The following GPR141 variants were observed in gnomAD, a reference collection of about 807,000 sequenced individuals.
The protein encoded by GPR141 is G protein-coupled receptor 141.
Under a neutral mutation model 6.8 loss-of-function variants are expected in GPR141, and 6 were observed. The observed-to-expected ratio is 0.88, with a 90% CI of 0.48 to 1.74. GPR141 has a LOEUF of 1.74. Ranked by LOEUF, GPR141 falls within the 40% of genes most tolerant of loss-of-function variation. The pLI, the probability that GPR141 is intolerant of heterozygous loss-of-function variation, is 0.01. For missense variants in GPR141, 372 were observed against 372.9 expected (o/e 1.00, Z 0.02); for synonymous variants, 140 against 142.3 (o/e 0.98, Z 0.11).
intron 2 of GPR141, among the ~76,000 whole-genome samples, chr7:37,719,418 A>C (rs1811207692): frequency 6.6e-6 from 1 of 152,190 alleles, no homozygotes; most frequent in African/African-American, 2.4e-5. Flanking sequence ...GGATATCTGC[A>C]TCTCTTCTTC....
chr7:37,740,469 A>G lies in GPR141; in HGVS notation c.76A>G (p.Ile26Val), dbSNP rs144599078. The change falls in exon 3 of 3, where the codon ATA (isoleucine) becomes GTA (valine). Residue 26 changes from isoleucine to valine, a missense_variant. Transcript: ENST00000334425. ...VTPHLISLYF[I>V]VLIGGLVGVI... ...ACCCCACTTAATCAGCCTCTACTTC[A>G]TAGTGCTTATTGGCGGGCTGGTGGG... The G allele has an allele frequency of 6.2e-7, 1 of 1,613,986 alleles. No homozygotes were observed. Among genetic ancestry groups the G allele is most frequent in the Non-Finnish European group, 8.5e-7 (1 of 1,179,944 alleles).
At chr7:37,687,703 C>T (rs1376020804) in intron 2 of GPR141, among the ~76,000 whole-genome samples, 1 of 152,100 alleles carries the variant, frequency 6.6e-6, no homozygotes, top group Non-Finnish European at 1.5e-5. Flanking sequence ...ATTTCTGAGA[C>T]TCCCTGGGCA....
At position 37,727,566 on chromosome 7, in the gene GPR141, G is replaced by A. The variant is rs544885205; in HGVS notation, c.-14-12814G>A. ...GTTAGTTCTTTTGTCTGGGAAATTT[G>A]GTATCCATCTAATGTGTCATTAGCT... On this transcript the variant is annotated intron_variant, in intron 2 of 2. Transcript: ENST00000334425. 2.0e-5 allele frequency among the ~76,000 whole-genome samples: 3 copies of A among 152,244 alleles called. No individual in the cohort carries two copies. In the South Asian group the frequency reaches 6.2e-4, roughly 32 times the overall value.
chr7:37,719,707 C>A lies in GPR141; in HGVS notation c.-14-20673C>A, dbSNP rs377047766. 4.6e-5 allele frequency among the ~76,000 whole-genome samples: 7 copies of A among 152,208 alleles called. 1 individual carries two copies. In the East Asian group the frequency reaches 9.6e-4, roughly 21 times the overall value. On this transcript the variant is annotated intron_variant, in intron 2 of 2. Transcript: ENST00000334425. The stretch of plus-strand genomic sequence containing the variant: ...GTTCATAGGCAGCTGAGCAGAAAAC[C>A]AGAAAAAGGGGGCTGAGAATTAGGT...
intron 2 of GPR141, among the ~76,000 whole-genome samples, chr7:37,739,114 A>G (rs1812404339): frequency 6.6e-6 from 1 of 152,184 alleles, no homozygotes; most frequent in African/African-American, 2.4e-5. Context: ...TTGAGAATAC[A>G]TGATTTAGTG....
intron 2 of GPR141, among the ~76,000 whole-genome samples, chr7:37,694,295 G>A (rs1809919195): frequency 6.6e-6 from 1 of 152,220 alleles, no homozygotes; most frequent in African/African-American, 2.4e-5. Context: ...CTCTGCCGGG[G>A]CACTGTTTAC....
At position 37,740,987 on chromosome 7, in the gene GPR141, C is replaced by G; in HGVS notation, c.594C>G (p.Val198=). ...TAGCCGTTGCTGTGATTCTGTTGGT[C>G]TTCCAGGTCTTCATCATTATGTTGA... is the stretch of plus-strand genomic sequence containing the variant. ...FVIAVAVILL[V]FQVFIIMLMV... The change falls in exon 3 of 3, where the codon GTC becomes GTG. Residue 198 remains valine, a synonymous_variant. Transcript: ENST00000334425. 6.2e-7 allele frequency: 1 copy of G among 1,613,926 alleles called. No homozygotes were observed. The highest frequency in any genetic ancestry group is 8.5e-7 in the Non-Finnish European group (1 of 1,179,858).
chr7:37,729,252 G>T (rs552277727), intron 2 of GPR141, among the ~76,000 whole-genome samples: 11 of 152,302 alleles, frequency 7.2e-5, no homozygotes, highest in African/African-American at 2.4e-4. Flanking sequence ...GAAAATCAGA[G>T]TTTGAGGCCA....
chr7:37,697,606 T>C (rs1382126653), intron 2 of GPR141, among the ~76,000 whole-genome samples: 1 of 152,090 alleles, frequency 6.6e-6, no homozygotes, highest in Non-Finnish European at 1.5e-5. Context: ...GGGAGATCAG[T>C]GAAGGTGGCG....
At chr7:37,732,486 T>A (rs542924496) in intron 2 of GPR141, among the ~76,000 whole-genome samples, 9 of 152,166 alleles carry the variant, frequency 5.9e-5, no homozygotes, top group African/African-American at 1.7e-4. Context: ...CATCTGAAAG[T>A]CTTGTGCAAT....
rs1562797920 is a variant in GPR141, at chr7:37,741,917, A to G, written c.*606A>G. On this transcript the variant is annotated 3_prime_UTR_variant, in exon 3 of 3. Transcript: ENST00000334425. ...GAACGTGTGGCCTCCTGTTATAACA[A>G]GGGTTTCTAGATTTGTCCTGTGAAA... is the stretch of plus-strand genomic sequence containing the variant. Among the ~76,000 whole-genome samples, 1 of 152,176 alleles carries G rather than the reference A, an allele frequency of 6.6e-6. No individual in the cohort carries two copies. The highest frequency in any genetic ancestry group is 2.4e-5 in the African/African-American group (1 of 41,438).
rs1812589928 is a variant in GPR141, at chr7:37,742,075, A to T, written c.*764A>T. 6.6e-6 allele frequency among the ~76,000 whole-genome samples: 1 copy of T among 152,100 alleles called. No homozygotes were observed. The highest frequency in any genetic ancestry group is 2.4e-5 in the African/African-American group (1 of 41,418). On this transcript the variant is annotated 3_prime_UTR_variant, in exon 3 of 3. Coordinates refer to ENST00000334425, the MANE Select transcript of GPR141 (RefSeq NM_001381946.1). ...GTAATTTAGAGACTATCCCTGACTA[A>T]TGTGCTGGTAGGCATTAAAATGAGT...
chr7:37,708,310 CAAAAAAAAAAA>C (rs66783277), intron 2 of GPR141, among the ~76,000 whole-genome samples: 2 of 59,776 alleles, frequency 3.3e-5, no homozygotes, highest in Non-Finnish European at 5.6e-5. Flanking sequence ...AAATTGCTGG[CAAAAAAAAAAA>C]AAAAAAAAAA....
At chr7:37,691,537 G>T (rs1809768584) in intron 2 of GPR141, among the ~76,000 whole-genome samples, 3 of 151,814 alleles carry the variant, frequency 2.0e-5, no homozygotes, top group East Asian at 3.9e-4. Flanking sequence ...CTCTCTTATT[G>T]TTTAGTATTG....
chr7:37,723,017 C>A (rs1292476329), intron 2 of GPR141, among the ~76,000 whole-genome samples: 1 of 138,894 alleles, frequency 7.2e-6, no homozygotes, highest in African/African-American at 2.7e-5. Flanking sequence ...GACAGAGTCT[C>A]AGTCTGTTGC....
At chr7:37,737,413 A>G (rs1812295602) in intron 2 of GPR141, among the ~76,000 whole-genome samples, 1 of 152,190 alleles carries the variant, frequency 6.6e-6, no homozygotes, top group African/African-American at 2.4e-5. Context: ...CCAGGATTCT[A>G]TTACAGCAGT....
At chr7:37,712,020 G>C (rs1243004115) in intron 2 of GPR141, among the ~76,000 whole-genome samples, 1 of 152,234 alleles carries the variant, frequency 6.6e-6, no homozygotes, top group Non-Finnish European at 1.5e-5. Context: ...TCTAAGTCCA[G>C]GAAGCACCTT....
intron 2 of GPR141, among the ~76,000 whole-genome samples, chr7:37,737,944 A>T (rs950828252): frequency 2.6e-5 from 4 of 152,214 alleles, no homozygotes; most frequent in African/African-American, 4.8e-5. Flanking sequence ...ACCTTTCAAG[A>T]TATGTTGGCA....
intron 2 of GPR141, among the ~76,000 whole-genome samples, chr7:37,722,129 G>A (rs1158427588): frequency 6.6e-6 from 1 of 151,760 alleles, no homozygotes; most frequent in African/African-American, 2.4e-5. Flanking sequence ...CTTTTTTATT[G>A]GACACCACCT....
Sources: gnomAD v4.1 joint callset for allele counts (sites outside exome capture counted in the v4.1 genomes callset) on GRCh38, gnomAD v4.1.1 for gene constraint, MANE v1.5 for transcripts, NCBI Gene and HGNC (gene_info 2026-07-23, HGNC 2026-07-21) for gene names.